The following DGKB variants were observed in gnomAD, a reference collection of about 807,000 sequenced individuals.
The protein encoded by DGKB is diacylglycerol kinase beta.
In DGKB, 67 loss-of-function variants were observed where a neutral mutation model predicts 114.3. The ratio of observed to expected loss-of-function variants is 0.59; its 90% CI spans 0.48 to 0.72. DGKB has a LOEUF of 0.72. Ranked by LOEUF, DGKB falls within the 30% of genes least tolerant of loss-of-function variation. The pLI is 0.00. For synonymous variants in DGKB, 398 were observed against 323.1 expected (o/e 1.23, Z -2.49); for missense variants, 907 against 975.2 (o/e 0.93, Z 0.93).
At chr7:14,689,463 G>T (rs914284235) in intron 9 of DGKB, among the ~76,000 whole-genome samples, 2 of 152,022 alleles carry the variant, frequency 1.3e-5, no homozygotes, top group Non-Finnish European at 2.9e-5. Flanking sequence ...GAGCCACCGC[G>T]CCCGGCCGAA....
At chr7:14,887,784 T>A (rs1359719849) in intron 1 of DGKB, among the ~76,000 whole-genome samples, 1 of 151,736 alleles carries the variant, frequency 6.6e-6, no homozygotes, top group Admixed American at 6.6e-5. Flanking sequence ...CTCTCTATCT[T>A]CTCCAAGAAA....
chr7:14,720,473 T>TGTGTGTGTG (rs1564008723), intron 5 of DGKB, among the ~76,000 whole-genome samples: 24 of 136,560 alleles, frequency 1.8e-4, no homozygotes, highest in South Asian at 4.8e-4. Flanking sequence ...CCCGGCTGAT[T>TGTGTGTGTG]TGTGTGTGTG....
intron 1 of DGKB, among the ~76,000 whole-genome samples, chr7:14,876,064 G>A (rs1356640573): frequency 6.6e-6 from 1 of 152,114 alleles, no homozygotes; most frequent in Non-Finnish European, 1.5e-5. Context: ...TCCAGAGGCA[G>A]GGTTTGGACA....
chr7:14,473,048 G>A (rs773991032), intron 21 of DGKB, among the ~76,000 whole-genome samples: 2 of 152,178 alleles, frequency 1.3e-5, no homozygotes, highest in Non-Finnish European at 1.5e-5. Flanking sequence ...GCAGGCTGCA[G>A]AAGTTTGCAT....
chr7:14,403,166 T>C (rs1823396685), intron 21 of DGKB, among the ~76,000 whole-genome samples: 1 of 151,832 alleles, frequency 6.6e-6, no homozygotes, highest in South Asian at 2.1e-4. Flanking sequence ...AAATTACATA[T>C]ATATACATAC....
At chr7:14,154,235 A>C (rs910441652) in intron 25 of DGKB, among the ~76,000 whole-genome samples, 3 of 149,188 alleles carry the variant, frequency 2.0e-5, no homozygotes, top group Non-Finnish European at 4.4e-5. Context: ...CACTTTGCAG[A>C]GAGAAGAAAG....
intron 23 of DGKB, among the ~76,000 whole-genome samples, chr7:14,269,984 C>T (rs1798040272): frequency 7.3e-6 from 1 of 137,480 alleles, no homozygotes; most frequent in Non-Finnish European, 1.5e-5. Flanking sequence ...ATGTACTGAC[C>T]TTTCTCAATT....
chr7:14,776,251 C>T (rs113036132), intron 2 of DGKB, among the ~76,000 whole-genome samples: 77 of 152,246 alleles, frequency 5.1e-4, no homozygotes, highest in African/African-American at 1.8e-3. Context: ...GAAAAATTTG[C>T]AGCCTGATGA....
chr7:14,687,633 T>A (rs1821949461), intron 9 of DGKB, among the ~76,000 whole-genome samples: 1 of 152,186 alleles, frequency 6.6e-6, no homozygotes. Flanking sequence ...TGTTAATTTT[T>A]AAAAAACTAA....
intron 13 of DGKB, among the ~76,000 whole-genome samples, chr7:14,639,767 G>C (rs1018849728): frequency 6.6e-5 from 10 of 151,932 alleles, no homozygotes; most frequent in Non-Finnish European, 1.3e-4. Flanking sequence ...TTTTGTTTTT[G>C]TTTTTTTCTA....
At chr7:14,298,680 A>C (rs1802994414) in intron 23 of DGKB, among the ~76,000 whole-genome samples, 1 of 152,222 alleles carries the variant, frequency 6.6e-6, no homozygotes, top group Admixed American at 6.5e-5. Context: ...ACAAAAGCCA[A>C]AATTAACAAA....
intron 23 of DGKB, among the ~76,000 whole-genome samples, chr7:14,239,957 G>T (rs1465556128): frequency 6.6e-6 from 1 of 151,652 alleles, no homozygotes; most frequent in African/African-American, 2.4e-5. Flanking sequence ...TATACTTTAG[G>T]TCTTATTTTT....
chr7:14,360,093 G>C (rs965796466), intron 21 of DGKB, among the ~76,000 whole-genome samples: 1 of 152,082 alleles, frequency 6.6e-6, no homozygotes, highest in African/African-American at 2.4e-5. Flanking sequence ...ACTGGATTAA[G>C]AAAATGTGGC....
At chr7:14,174,687 C>T (rs1781466679) in intron 25 of DGKB, among the ~76,000 whole-genome samples, 1 of 152,078 alleles carries the variant, frequency 6.6e-6, no homozygotes, top group South Asian at 2.1e-4. Flanking sequence ...CGAGTTTTAC[C>T]ACTATTTCCA....
rs541193426 is a variant in DGKB at position 14,879,672 on chromosome 7, G to A, written c.-188+22920C>T. On this transcript the variant is annotated intron_variant, in intron 1 of 25. Coordinates refer to ENST00000402815, the MANE Select transcript of DGKB (RefSeq NM_001350709.2). Reference sequence around the variant, plus strand: ...TTTCTTTGACCCAACAAAAACATTCGTAGTAACAGTCCCTTTAGTTGGGAA... The same window carrying A: ...TTTCTTTGACCCAACAAAAACATTCATAGTAACAGTCCCTTTAGTTGGGAA... 5.7e-4 allele frequency among the ~76,000 whole-genome samples: 86 copies of A among 152,142 alleles called. No individual in the cohort carries two copies. In the South Asian group the frequency reaches 6.0e-3, roughly 11 times the overall value.
At chr7:14,558,552 C>A (rs930132751) in intron 20 of DGKB, among the ~76,000 whole-genome samples, 1 of 152,124 alleles carries the variant, frequency 6.6e-6, no homozygotes, top group East Asian at 1.9e-4. Context: ...TTAAAAAAAA[C>A]TGATTTTCCT....
At chr7:14,634,342 C>T (rs529020692) in intron 13 of DGKB, among the ~76,000 whole-genome samples, 44 of 151,412 alleles carry the variant, frequency 2.9e-4, no homozygotes, top group African/African-American at 9.9e-4. Flanking sequence ...ATTCAAATAA[C>T]AGTAGTTGCA....
intron 1 of DGKB, among the ~76,000 whole-genome samples, chr7:14,954,992 T>C (rs1786414852): frequency 6.6e-6 from 1 of 151,940 alleles, no homozygotes; most frequent in African/African-American, 2.4e-5. Flanking sequence ...TTAAGAGATT[T>C]GGAAAAGGAA....
At chr7:14,780,627 A>C (rs1333325251) in intron 2 of DGKB, among the ~76,000 whole-genome samples, 2 of 137,308 alleles carry the variant, frequency 1.5e-5, no homozygotes, top group African/African-American at 6.4e-5. Context: ...ATGATGTTCC[A>C]CAGATTTTTT....
Sources: allele counts gnomAD v4.1 joint callset (sites outside exome capture counted in the v4.1 genomes callset), GRCh38; gene constraint gnomAD v4.1.1; transcripts MANE v1.5; gene names NCBI Gene and HGNC (gene_info 2026-07-23, HGNC 2026-07-21).